Variants in NOX4 observed in about 807,000 individuals in gnomAD.
NOX4 encodes the protein kidney oxidase-1.
NOX4 carries 69 observed loss-of-function variants against 87.6 expected under a neutral mutation model. The observed-to-expected ratio is 0.79, with a 90% CI of 0.65 to 0.96. NOX4 has a LOEUF of 0.96. NOX4 is among the 40% of genes least tolerant of loss of function. The pLI is 0.00. For missense variants in NOX4, 680 were observed against 681.5 expected (o/e 1.00, Z 0.02); for synonymous variants, 275 against 238.2 (o/e 1.15, Z -1.42).
chr11:89,588,778 C>A, the NOX4 span, among the ~76,000 whole-genome samples: 4 of 152,272 alleles, frequency 2.6e-5, no homozygotes, highest in East Asian at 1.9e-4. Context: ...TCTGAATGAA[C>A]TGAATCTGTA....
the NOX4 span, among the ~76,000 whole-genome samples, chr11:89,518,636 T>G: frequency 2.0e-5 from 3 of 151,996 alleles, no homozygotes. Flanking sequence ...TCCTCCTCCC[T>G]TAAGGAAAAA....
At chr11:89,452,607 T>C (rs1160429976) in intron 2 of NOX4, among the ~76,000 whole-genome samples, 1 of 152,182 alleles carries the variant, frequency 6.6e-6, no homozygotes, top group Non-Finnish European at 1.5e-5. Context: ...GGGTACAATA[T>C]GATGTTTTAA....
At chr11:89,371,672 A>C (rs1939452543) in intron 12 of NOX4, among the ~76,000 whole-genome samples, 1 of 151,768 alleles carries the variant, frequency 6.6e-6, no homozygotes, top group Non-Finnish European at 1.5e-5. Flanking sequence ...TTTTATTTCC[A>C]AAACAGTAGA....
intron 2 of NOX4, among the ~76,000 whole-genome samples, chr11:89,482,855 G>T (rs1192969540): frequency 2.0e-5 from 3 of 152,004 alleles, no homozygotes; most frequent in African/African-American, 7.3e-5. Context: ...AATGTATAAG[G>T]ACCTTAGACA....
At chr11:89,496,745 A>G (rs964711248), upstream of NOX4, among the ~76,000 whole-genome samples, 2 of 152,204 alleles carry the variant, frequency 1.3e-5, no homozygotes, top group South Asian at 2.1e-4. Context: ...AATGTAAGAA[A>G]TACTGACTGC....
chr11:89,400,362 A>C lies in NOX4; in HGVS notation c.864T>G (p.Ser288=), dbSNP rs377461375. 1 of 1,581,452 alleles carries C rather than the reference A, an allele frequency of 6.3e-7. No homozygotes were observed. Residue 288 remains serine (S), a synonymous_variant, in exon 10 of 18, where the codon TCT becomes TCG. Transcript: ENST00000263317. ...ANFPQTWLWI[S]GPLCLYCAER... Reference sequence around the variant, plus strand: ...CGGCACAGTACAGGCACAAAGGTCCAGAAATCCAAAGCCAAGTCTAAGACA... The same window carrying C: ...CGGCACAGTACAGGCACAAAGGTCCCGAAATCCAAAGCCAAGTCTAAGACA...
chr11:89,456,965 T>C (rs773998078), intron 2 of NOX4, among the ~76,000 whole-genome samples: 16 of 152,190 alleles, frequency 1.1e-4, no homozygotes, highest in Non-Finnish European at 2.1e-4. Context: ...TGGCCTCTCC[T>C]GGGTACAGCC....
chr11:89,362,480 T>C (rs1729293646), intron 12 of NOX4, among the ~76,000 whole-genome samples: 2 of 152,092 alleles, frequency 1.3e-5, no homozygotes, highest in African/African-American at 4.8e-5. Context: ...ACTCTATCAG[T>C]TAAGTATTGC....
At chr11:89,462,832 A>C (rs759613192) in intron 2 of NOX4, among the ~76,000 whole-genome samples, 1 of 152,070 alleles carries the variant, frequency 6.6e-6, no homozygotes, top group African/African-American at 2.4e-5. Context: ...CAAAACAAGT[A>C]ATATATTAAA....
At chr11:89,583,693 T>G in the NOX4 span, among the ~76,000 whole-genome samples, 1 of 152,108 alleles carries the variant, frequency 6.6e-6, no homozygotes, top group Non-Finnish European at 1.5e-5. Context: ...ACTTCTGTCA[T>G]TACTATCCCT....
chr11:89,504,649 G>C, the NOX4 span, among the ~76,000 whole-genome samples: 1 of 151,926 alleles, frequency 6.6e-6, no homozygotes, highest in Non-Finnish European at 1.5e-5. Flanking sequence ...GCTAGTCTAA[G>C]TTCCATTGTG....
At chr11:89,435,373 T>G (rs1944029934) in intron 6 of NOX4, among the ~76,000 whole-genome samples, 1 of 152,062 alleles carries the variant, frequency 6.6e-6, no homozygotes, top group Non-Finnish European at 1.5e-5. Flanking sequence ...TCATGGGATG[T>G]CTGCAAATTA....
At chr11:89,353,067 C>A (rs1937684357) in intron 13 of NOX4, among the ~76,000 whole-genome samples, 1 of 152,300 alleles carries the variant, frequency 6.6e-6, no homozygotes, top group Non-Finnish European at 1.5e-5. Context: ...GATCCACCTG[C>A]CTCGGCTTCC....
At chr11:89,455,180 A>G (rs978047884) in intron 2 of NOX4, among the ~76,000 whole-genome samples, 7 of 152,108 alleles carry the variant, frequency 4.6e-5, no homozygotes, top group African/African-American at 1.7e-4. Context: ...AGTTACCCCT[A>G]TAGTCCTAGC....
chr11:89,350,475 C>A (rs925952841), intron 13 of NOX4, among the ~76,000 whole-genome samples: 2 of 152,110 alleles, frequency 1.3e-5, no homozygotes, highest in African/African-American at 4.8e-5. Context: ...ATCCAAACTA[C>A]CACAGCTCAC....
At chr11:89,478,785 G>A (rs148927358) in intron 2 of NOX4, among the ~76,000 whole-genome samples, 1,698 of 152,116 alleles carry the variant, frequency 0.011, 29 homozygotes, top group South Asian at 0.068. Context: ...CAAGATTTAC[G>A]TTTGACTCAT....
At chr11:89,327,936 A>G (rs1271207392) in intron 17 of NOX4, among the ~76,000 whole-genome samples, 1 of 152,310 alleles carries the variant, frequency 6.6e-6, no homozygotes, top group East Asian at 1.9e-4. Flanking sequence ...CGGACACTGA[A>G]TAATAGGTAG....
Position 89,442,617 on chromosome 11 carries a change from T to C in NOX4, c.447+1518A>G, listed in dbSNP as rs573494041. ...TCGCCAAGGAATATATACCATAAAA[T>C]GCGACTCAAAATATCAGAAAAAAAC... On this transcript the variant is annotated intron_variant, in intron 5 of 17. Coordinates refer to ENST00000263317, the MANE Select transcript of NOX4 (RefSeq NM_016931.5). 2.6e-5 allele frequency among the ~76,000 whole-genome samples: 4 copies of C among 152,258 alleles called. No individual in the cohort carries two copies. The East Asian group carries it at 7.7e-4, about 29-fold the overall frequency.
chr11:89,478,002 T>C (rs982854118), intron 2 of NOX4, among the ~76,000 whole-genome samples: 2 of 152,188 alleles, frequency 1.3e-5, no homozygotes, highest in African/African-American at 4.8e-5. Flanking sequence ...TTAACAAATG[T>C]TTATAAATAA....
Sources: allele counts gnomAD v4.1 joint callset (sites outside exome capture counted in the v4.1 genomes callset), GRCh38; gene constraint gnomAD v4.1.1; transcripts MANE v1.5; gene names NCBI Gene and HGNC (gene_info 2026-07-23, HGNC 2026-07-21).